Variants in SLC38A1 observed in about 807,000 individuals in gnomAD.
The protein encoded by SLC38A1 is sodium-coupled neutral amino acid symporter 1.
A neutral mutation model predicts 60.3 loss-of-function variants in SLC38A1; 18 were observed. That is an observed-to-expected ratio of 0.30 (90% CI 0.21 to 0.44). The LOEUF (loss-of-function observed/expected upper bound fraction) is 0.44. Among genes scored for constraint, SLC38A1 ranks in the 20% least tolerant of loss-of-function variants. The pLI, the probability that SLC38A1 is intolerant of heterozygous loss-of-function variation, is 1.00. For synonymous variants in SLC38A1, 196 were observed against 212.1 expected, an observed-to-expected ratio of 0.92 and a Z score of 0.66; for missense variants, 448 against 587.2, an observed-to-expected ratio of 0.76 and a Z score of 2.45.
intron 16 of SLC38A1, among the ~76,000 whole-genome samples, chr12:46,191,528 T>C (rs1472313304): frequency 6.6e-6 from 1 of 152,222 alleles, no homozygotes; most frequent in East Asian, 1.9e-4. Context: ...TTGGGCAGTA[T>C]GGCCATTTTC....
At chr12:46,229,953 T>TCC (rs1941009744) in intron 3 of SLC38A1, among the ~76,000 whole-genome samples, 1 of 152,228 alleles carries the variant, frequency 6.6e-6, no homozygotes, top group South Asian at 2.1e-4. Flanking sequence ...TGAGATGAAA[T>TCC]GAAAGACAAC....
At chr12:46,223,771 C>G (rs549198752) in intron 5 of SLC38A1, among the ~76,000 whole-genome samples, 22 of 152,272 alleles carry the variant, frequency 1.4e-4, no homozygotes, top group African/African-American at 5.1e-4. Context: ...TCAGAAGTGT[C>G]GTGAATTCTA....
At chr12:46,205,402 T>G (rs1453196640) in intron 9 of SLC38A1, among the ~76,000 whole-genome samples, 1 of 152,188 alleles carries the variant, frequency 6.6e-6, no homozygotes, top group Non-Finnish European at 1.5e-5. Flanking sequence ...TGGAGAGCTT[T>G]TATCCAAACT....
At chr12:46,221,723 G>A (rs1940666652) in intron 5 of SLC38A1, among the ~76,000 whole-genome samples, 1 of 152,184 alleles carries the variant, frequency 6.6e-6, no homozygotes, top group Admixed American at 6.5e-5. Flanking sequence ...GGAAGAATTT[G>A]GCATTAATCC....
chr12:46,190,315 C>T (rs577032732), intron 16 of SLC38A1, among the ~76,000 whole-genome samples: 1 of 152,336 alleles, frequency 6.6e-6, no homozygotes, highest in Admixed American at 6.5e-5. Flanking sequence ...ACATGTGCCA[C>T]ATTTTCTTAA....
At chr12:46,236,860 A>G (rs1941277938) in intron 3 of SLC38A1, among the ~76,000 whole-genome samples, 2 of 152,192 alleles carry the variant, frequency 1.3e-5, no homozygotes, top group South Asian at 4.1e-4. Context: ...TCTGCATTTA[A>G]CAAGGTTTCC....
At chr12:46,249,055 C>T (rs1166681449) in intron 1 of SLC38A1, among the ~76,000 whole-genome samples, 14 of 150,492 alleles carry the variant, frequency 9.3e-5, no homozygotes, top group Non-Finnish European at 1.3e-4. Flanking sequence ...ACTTGGGAGG[C>T]TCAGGCAGGA....
At position 46,199,892 on chromosome 12, in the gene SLC38A1, A is replaced by G. The variant is rs114909965; in HGVS notation, c.1004-1149T>C. Among the ~76,000 whole-genome samples the G allele has an allele frequency of 9.6e-3, 1,468 of 152,298 alleles. 22 individuals carry two copies. The highest frequency in any genetic ancestry group is 0.034 in the African/African-American group (1,398 of 41,550). ...AGAGCTTAGCTTGGTCTCAGTTTCC[A>G]AAAAAGAACCATAAGTTATAATACC... On this transcript the variant is annotated intron_variant, in intron 13 of 16. Transcript: ENST00000398637.
chr12:46,262,015 G>C (rs1257223962), intron 1 of SLC38A1, among the ~76,000 whole-genome samples: 1 of 152,238 alleles, frequency 6.6e-6, no homozygotes, highest in Admixed American at 6.5e-5. Context: ...CCAAATGCCA[G>C]TAGTGTGAAG....
intron 5 of SLC38A1, among the ~76,000 whole-genome samples, chr12:46,224,366 A>T (rs1041510415): frequency 3.9e-5 from 6 of 152,138 alleles, no homozygotes; most frequent in Non-Finnish European, 8.8e-5. Context: ...ACAGGACAGG[A>T]CTCACTGAAT....
intron 2 of SLC38A1, among the ~76,000 whole-genome samples, chr12:46,241,963 G>A (rs1941462828): frequency 6.6e-6 from 1 of 152,028 alleles, no homozygotes; most frequent in Non-Finnish European, 1.5e-5. Flanking sequence ...AATTTTCTGC[G>A]GTAAGAAAGG....
At chr12:46,191,326 C>T (rs533198063) in intron 16 of SLC38A1, among the ~76,000 whole-genome samples, 3 of 152,180 alleles carry the variant, frequency 2.0e-5, no homozygotes, top group South Asian at 4.1e-4. Flanking sequence ...ATGCTGTTTT[C>T]GTTACTGTAG....
At chr12:46,253,107 T>C in intron 1 of SLC38A1, among the ~76,000 whole-genome samples, 1 of 151,710 alleles carries the variant, frequency 6.6e-6, no homozygotes. Context: ...AAGTTGCAGA[T>C]GTGTAGGATG....
chr12:46,223,938 G>T (rs1270391454), intron 5 of SLC38A1, among the ~76,000 whole-genome samples: 1 of 152,194 alleles, frequency 6.6e-6, no homozygotes, highest in East Asian at 1.9e-4. Context: ...TATGAGATGT[G>T]TTCTAGAGAT....
At chr12:46,222,881 CG>C (rs1940713084) in intron 5 of SLC38A1, among the ~76,000 whole-genome samples, 1 of 152,090 alleles carries the variant, frequency 6.6e-6, no homozygotes, top group Admixed American at 6.5e-5. Context: ...CTGACATCCT[CG>C]GTCTACAGTT....
At chr12:46,249,596 T>G (rs1941760551) in intron 1 of SLC38A1, among the ~76,000 whole-genome samples, 1 of 152,084 alleles carries the variant, frequency 6.6e-6, no homozygotes, top group South Asian at 2.1e-4. Flanking sequence ...CTAGCAAGAC[T>G]AATAAAGAAG....
intron 16 of SLC38A1, among the ~76,000 whole-genome samples, chr12:46,191,223 G>T (rs1939132096): frequency 6.6e-6 from 1 of 152,284 alleles, no homozygotes; most frequent in East Asian, 1.9e-4. Flanking sequence ...TGTCAGGTTT[G>T]TCAAAGATCA....
chr12:46,267,004 G>T (rs1322282466), intron 1 of SLC38A1, among the ~76,000 whole-genome samples: 1 of 152,132 alleles, frequency 6.6e-6, no homozygotes, highest in East Asian at 1.9e-4. Context: ...TGACAACGAG[G>T]CCAGCCATGC....
At chr12:46,265,626 T>C (rs1942328064) in intron 1 of SLC38A1, among the ~76,000 whole-genome samples, 1 of 152,234 alleles carries the variant, frequency 6.6e-6, no homozygotes, top group Non-Finnish European at 1.5e-5. Flanking sequence ...GAATTTAGAC[T>C]GTATTTGTGT....
Sources: allele counts gnomAD v4.1 joint callset (sites outside exome capture counted in the v4.1 genomes callset), GRCh38; gene constraint gnomAD v4.1.1; transcripts MANE v1.5; gene names NCBI Gene and HGNC (gene_info 2026-07-23, HGNC 2026-07-21).